SNX25: variants seen among roughly 807,000 people sequenced by gnomAD.
The protein encoded by SNX25 is sorting nexin 25, also known as sorting nexin-25.
In SNX25, 62 loss-of-function variants were observed where a neutral mutation model predicts 113.7. The ratio of observed to expected loss-of-function variants is 0.55; its 90% CI spans 0.44 to 0.67. SNX25 has a LOEUF of 0.67. SNX25 is among the 30% of genes least tolerant of loss of function. SNX25 has a pLI of 0.00. For synonymous variants in SNX25, 421 were observed against 436.2 expected (o/e 0.97, Z 0.43); for missense variants, 1,014 against 1,161.0 (o/e 0.87, Z 1.84).
chr4:185,263,999 A>G (rs972514584), intron 3 of SNX25, among the ~76,000 whole-genome samples: 5 of 152,250 alleles, frequency 3.3e-5, no homozygotes, highest in African/African-American at 1.2e-4. Context: ...CTAGCTCACT[A>G]GAAATACCTG....
At chr4:185,228,184 G>T (rs1169263841) in intron 1 of SNX25, among the ~76,000 whole-genome samples, 1 of 152,192 alleles carries the variant, frequency 6.6e-6, no homozygotes, top group Non-Finnish European at 1.5e-5. Context: ...AGAAGAGAAA[G>T]TGGTACCTAG....
intron 1 of SNX25, among the ~76,000 whole-genome samples, chr4:185,224,196 C>T (rs1740466217): frequency 6.6e-6 from 1 of 151,664 alleles, no homozygotes; most frequent in Admixed American, 6.6e-5. Context: ...ACTAGAAATA[C>T]AAAAAATTAG....
chr4:185,253,776 A>G (rs560180800), intron 2 of SNX25, among the ~76,000 whole-genome samples: 320 of 152,302 alleles, frequency 2.1e-3, no homozygotes, highest in Non-Finnish European at 3.5e-3. Context: ...GCCTACATAT[A>G]CATTTCAAAG....
downstream of SNX25, among the ~76,000 whole-genome samples, chr4:185,367,945 C>T (rs918856276): frequency 1.7e-4 from 26 of 152,122 alleles, no homozygotes; most frequent in Non-Finnish European, 2.4e-4. Context: ...TTTGGGAGGC[C>T]GAGGTGGATG....
At chr4:185,316,500 C>G (rs974100345) in intron 7 of SNX25, among the ~76,000 whole-genome samples, 1 of 152,092 alleles carries the variant, frequency 6.6e-6, no homozygotes, top group African/African-American at 2.4e-5. Flanking sequence ...GTCTGTGTTG[C>G]CTTATCTTTT....
intron 2 of SNX25, among the ~76,000 whole-genome samples, chr4:185,250,929 TA>T (rs1341296407): frequency 6.6e-6 from 1 of 152,158 alleles, no homozygotes; most frequent in Non-Finnish European, 1.5e-5. Flanking sequence ...TTAATTGTGT[TA>T]AAATAGACAT....
At chr4:185,251,390 G>A (rs1270045267) in intron 2 of SNX25, among the ~76,000 whole-genome samples, 1 of 152,136 alleles carries the variant, frequency 6.6e-6, no homozygotes, top group African/African-American at 2.4e-5. Context: ...CTTATTAAGT[G>A]ACAACCCCTT....
At chr4:185,322,086 A>G (rs2126687173) in intron 8 of SNX25, among the ~76,000 whole-genome samples, 1 of 152,328 alleles carries the variant, frequency 6.6e-6, no homozygotes, top group Non-Finnish European at 1.5e-5. Context: ...AATAATATCT[A>G]TAACATGTGA....
chr4:185,315,609 A>G (rs569933913), intron 7 of SNX25, among the ~76,000 whole-genome samples: 1 of 152,272 alleles, frequency 6.6e-6, no homozygotes, highest in East Asian at 1.9e-4. Context: ...GGTAAATTCT[A>G]TAAAACATGT....
chr4:185,242,379 A>C, intron 1 of SNX25, among the ~76,000 whole-genome samples: 1 of 150,486 alleles, frequency 6.6e-6, no homozygotes, highest in South Asian at 2.1e-4. Context: ...TCAACCCCCC[A>C]CCCCCAACGT....
downstream of SNX25, chr4:185,370,843 A>G (rs1249412924): frequency 1.2e-6 from 2 of 1,611,446 alleles, no homozygotes; most frequent in Non-Finnish European, 8.5e-7. Flanking sequence ...GTGAAATGGA[A>G]AAGACATCAG....
At chr4:185,271,942 A>T (rs1384287333) in intron 5 of SNX25, among the ~76,000 whole-genome samples, 1 of 152,206 alleles carries the variant, frequency 6.6e-6, no homozygotes. Flanking sequence ...AAATATACTA[A>T]ATTAGTGGTT....
At chr4:185,360,151 C>T (rs1403525207) in intron 16 of SNX25, among the ~76,000 whole-genome samples, 2 of 152,198 alleles carry the variant, frequency 1.3e-5, no homozygotes, top group African/African-American at 4.8e-5. Context: ...GAGTCGCTTC[C>T]TAATCTCAAG....
intron 8 of SNX25, among the ~76,000 whole-genome samples, chr4:185,322,440 G>T (rs775213250): frequency 6.6e-6 from 1 of 152,248 alleles, no homozygotes; most frequent in African/African-American, 2.4e-5. Context: ...GGGGAAGGTG[G>T]GGGGGAAGCA....
chr4:185,358,674 C>T (rs2095349539), intron 16 of SNX25, among the ~76,000 whole-genome samples: 2 of 152,186 alleles, frequency 1.3e-5, no homozygotes, highest in African/African-American at 2.4e-5. Context: ...GGTCTGGTGC[C>T]TGCTTCATCT....
intron 6 of SNX25, among the ~76,000 whole-genome samples, chr4:185,293,977 G>C (rs889458012): frequency 6.6e-6 from 1 of 152,130 alleles, no homozygotes; most frequent in Non-Finnish European, 1.5e-5. Context: ...ATAAGGTATT[G>C]CAATCTAGGA....
chr4:185,357,546 A>T, intron 15 of SNX25, 125 bp from the exon 16 acceptor site: 1 of 778,830 alleles, frequency 1.3e-6, no homozygotes, highest in Non-Finnish European at 2.2e-6. Context: ...CAGATGTCAT[A>T]GCCATGACTT....
chr4:185,373,166 T>C, downstream of SNX25: 1 of 1,203,248 alleles, frequency 8.3e-7, no homozygotes, highest in Non-Finnish European at 1.2e-6. Flanking sequence ...ACTCTGTGTT[T>C]CCTAGATAGC....
intron 16 of SNX25, among the ~76,000 whole-genome samples, chr4:185,359,255 A>G (rs899042503): frequency 1.3e-5 from 2 of 152,070 alleles, no homozygotes; most frequent in African/African-American, 4.8e-5. Context: ...CAGGAGGCTC[A>G]GGCGGGAGAA....
Sources: allele counts gnomAD v4.1 joint callset (sites outside exome capture counted in the v4.1 genomes callset), GRCh38; gene constraint gnomAD v4.1.1; transcripts MANE v1.5; gene names NCBI Gene and HGNC (gene_info 2026-07-23, HGNC 2026-07-21).